Variants in TMEM117 observed in about 807,000 individuals in gnomAD.
The protein encoded by TMEM117 is transmembrane protein 117.
TMEM117 carries 27 observed loss-of-function variants against 52.4 expected under a neutral mutation model. That is an observed-to-expected ratio of 0.51 (90% CI 0.38 to 0.71). TMEM117 has a LOEUF of 0.71. Among genes scored for constraint, TMEM117 ranks in the 30% least tolerant of loss-of-function variants. The pLI, the probability that TMEM117 is intolerant of heterozygous loss-of-function variation, is 0.00. For synonymous variants in TMEM117, 215 were observed against 206.3 expected (o/e 1.04, Z -0.36); for missense variants, 556 against 630.5 (o/e 0.88, Z 1.26).
intron 1 of TMEM117, among the ~76,000 whole-genome samples, chr12:43,838,232 C>T (rs540933931): frequency 6.6e-6 from 1 of 151,992 alleles, no homozygotes; most frequent in African/African-American, 2.4e-5. Context: ...TCAGACCTGT[C>T]ATTACCTCAG....
intron 3 of TMEM117, among the ~76,000 whole-genome samples, chr12:43,951,588 C>G (rs186471604): frequency 6.6e-6 from 1 of 152,204 alleles, no homozygotes; most frequent in Admixed American, 6.5e-5. Context: ...GGCAGGGCCT[C>G]CCTGTAGAAA....
At chr12:43,797,048 C>T in the TMEM117 span, 3 of 1,611,108 alleles carry the variant, frequency 1.9e-6, no homozygotes, top group Admixed American at 3.3e-5. Context: ...TAGAATACAG[C>T]ATCCGCTCTC....
At chr12:44,097,264 G>T (rs1565825975) in intron 3 of TMEM117, among the ~76,000 whole-genome samples, 1 of 152,120 alleles carries the variant, frequency 6.6e-6, no homozygotes, top group Non-Finnish European at 1.5e-5. Context: ...TACACTGTTG[G>T]TGGGACTGTA....
At chr12:44,045,594 A>C (rs990758379) in intron 3 of TMEM117, among the ~76,000 whole-genome samples, 4 of 152,208 alleles carry the variant, frequency 2.6e-5, no homozygotes, top group Admixed American at 2.6e-4. Flanking sequence ...TTCTAATCTC[A>C]GGACTTTGGG....
intron 5 of TMEM117, among the ~76,000 whole-genome samples, chr12:44,215,877 C>A (rs534676015): frequency 2.0e-5 from 3 of 152,038 alleles, no homozygotes; most frequent in African/African-American, 7.2e-5. Flanking sequence ...TTTCTCCCCC[C>A]TCTGATTACA....
At chr12:44,094,544 G>T (rs1388457765) in intron 3 of TMEM117, among the ~76,000 whole-genome samples, 2 of 152,038 alleles carry the variant, frequency 1.3e-5, no homozygotes, top group Non-Finnish European at 2.9e-5. Context: ...AATTACCTTT[G>T]ACATCTCTAG....
chr12:44,379,885 T>TAAAAGCAA (rs1951996310), intron 7 of TMEM117, among the ~76,000 whole-genome samples: 1 of 152,162 alleles, frequency 6.6e-6, no homozygotes, highest in African/African-American at 2.4e-5. Flanking sequence ...CATAAAACCC[T>TAAAAGCAA]CTAGATCCGT....
chr12:44,184,426 T>C (rs1166336696), intron 4 of TMEM117, among the ~76,000 whole-genome samples: 2 of 152,028 alleles, frequency 1.3e-5, no homozygotes, highest in African/African-American at 2.4e-5. Flanking sequence ...AGCCCTGAAA[T>C]GCAGCAGAAA....
intron 4 of TMEM117, among the ~76,000 whole-genome samples, chr12:44,207,412 A>G (rs1949583724): frequency 1.3e-5 from 2 of 152,238 alleles, no homozygotes; most frequent in African/African-American, 4.8e-5. Flanking sequence ...AGAATCATAC[A>G]GAATGTCAAT....
At chr12:44,004,492 C>G (rs1190131389) in intron 3 of TMEM117, among the ~76,000 whole-genome samples, 1 of 152,082 alleles carries the variant, frequency 6.6e-6, no homozygotes, top group African/African-American at 2.4e-5. Context: ...GTTGAATTTC[C>G]CCTTTTAATT....
At chr12:44,113,792 C>T (rs1348438517) in intron 3 of TMEM117, among the ~76,000 whole-genome samples, 1 of 31,246 alleles carries the variant, frequency 3.2e-5, no homozygotes, top group Admixed American at 3.3e-4. Flanking sequence ...CAATGGCGGG[C>T]GCCCCTCCCC....
At chr12:43,996,565 C>T (rs1946034428) in intron 3 of TMEM117, among the ~76,000 whole-genome samples, 1 of 152,002 alleles carries the variant, frequency 6.6e-6, no homozygotes, top group Non-Finnish European at 1.5e-5. Context: ...ATGGCGTGAA[C>T]CTGGGAGGAG....
chr12:44,379,142 AAG>A (rs1239605640), intron 7 of TMEM117, among the ~76,000 whole-genome samples: 1 of 151,492 alleles, frequency 6.6e-6, no homozygotes, highest in African/African-American at 2.4e-5. Flanking sequence ...GAAAGGAAGA[AAG>A]AGGAGGGAGG....
chr12:44,242,476 T>G (rs932225459), intron 5 of TMEM117, among the ~76,000 whole-genome samples: 2 of 151,788 alleles, frequency 1.3e-5, no homozygotes, highest in African/African-American at 4.8e-5. Context: ...ATCTCATTCT[T>G]TTTTTATGGC....
intron 5 of TMEM117, among the ~76,000 whole-genome samples, chr12:44,212,736 A>G (rs1048933853): frequency 1.3e-5 from 2 of 152,028 alleles, no homozygotes; most frequent in African/African-American, 4.8e-5. Context: ...TATCCTGTAT[A>G]CCTGCCTTTT....
chr12:44,151,030 T>G (rs552098005), intron 4 of TMEM117, among the ~76,000 whole-genome samples: 2 of 152,244 alleles, frequency 1.3e-5, no homozygotes, highest in East Asian at 3.9e-4. Context: ...TAAAAATTTG[T>G]GGAATATAAA....
At chr12:43,922,261 G>A (rs1038970528) in intron 2 of TMEM117, among the ~76,000 whole-genome samples, 28 of 151,992 alleles carry the variant, frequency 1.8e-4, no homozygotes, top group Admixed American at 3.3e-4. Context: ...AAATAGAAAG[G>A]GATATAACAT....
chr12:44,314,212 AG>A (rs1951026028), intron 6 of TMEM117, among the ~76,000 whole-genome samples: 1 of 152,200 alleles, frequency 6.6e-6, no homozygotes, highest in Non-Finnish European at 1.5e-5. Flanking sequence ...TTGCCCAGTC[AG>A]AATGATGTTG....
chr12:44,390,963 A>G (rs1952158598), downstream of TMEM117, among the ~76,000 whole-genome samples: 1 of 152,142 alleles, frequency 6.6e-6, no homozygotes, highest in African/African-American at 2.4e-5. Context: ...CTTTTAAACT[A>G]TTAAGGACAT....
Sources: gnomAD v4.1 joint callset for allele counts (sites outside exome capture counted in the v4.1 genomes callset) on GRCh38, gnomAD v4.1.1 for gene constraint, MANE v1.5 for transcripts, NCBI Gene and HGNC (gene_info 2026-07-23, HGNC 2026-07-21) for gene names.